The following CSMD1 variants were observed in gnomAD, a reference collection of about 807,000 sequenced individuals.
The protein encoded by CSMD1 is CUB and sushi domain-containing protein 1.
CSMD1 carries 213 observed loss-of-function variants against 417.5 expected under a neutral mutation model. The ratio of observed to expected loss-of-function variants is 0.51; its 90% CI spans 0.46 to 0.57. The LOEUF (loss-of-function observed/expected upper bound fraction) is 0.57, where lower values mean the gene tolerates loss of function less well. Among genes scored for constraint, CSMD1 ranks in the 20% least tolerant of loss-of-function variants. The pLI, the probability that CSMD1 is intolerant of heterozygous loss-of-function variation, is 0.00. For synonymous variants in CSMD1, 2,862 were observed against 1,736.8 expected (o/e 1.65, Z -16.11); for missense variants, 6,923 against 4,529.7 (o/e 1.53, Z -15.17).
chr8:3,526,617 AAAT>A (rs1156858982), intron 10 of CSMD1, among the ~76,000 whole-genome samples: 2 of 152,154 alleles, frequency 1.3e-5, no homozygotes, highest in Non-Finnish European at 2.9e-5. Flanking sequence ...AAGTATTAGT[AAAT>A]AATTTTTCCA....
At chr8:3,758,863 A>C (rs1221965425) in intron 5 of CSMD1, among the ~76,000 whole-genome samples, 3 of 152,154 alleles carry the variant, frequency 2.0e-5, no homozygotes, top group African/African-American at 7.2e-5. Flanking sequence ...GAGTGGGCCC[A>C]ATGTAATGAA....
rs1241445867 is a variant in CSMD1, at chr8:3,883,376, A to G, written c.818+114527T>C. ...TTAACATGAAGTTTTCCAGCTATCG[A>G]TTTCTCATAGTTTTAAACTGGGTGT... On this transcript the variant is annotated intron_variant, in intron 5 of 69. Coordinates refer to ENST00000635120, the MANE Select transcript of CSMD1 (RefSeq NM_033225.6). Among the ~76,000 whole-genome samples the G allele has an allele frequency of 2.6e-5, 4 of 151,938 alleles. No individual in the cohort carries two copies. The South Asian group carries it at 6.2e-4, about 24-fold the overall frequency.
chr8:4,676,069 A>G (rs1263065898), intron 1 of CSMD1, among the ~76,000 whole-genome samples: 1 of 152,208 alleles, frequency 6.6e-6, no homozygotes, highest in Non-Finnish European at 1.5e-5. Context: ...TAGAAAGTAG[A>G]AAGAGAAGCG....
At chr8:4,551,848 T>C (rs1375750169) in intron 2 of CSMD1, among the ~76,000 whole-genome samples, 1 of 142,414 alleles carries the variant, frequency 7.0e-6, no homozygotes, top group Admixed American at 7.0e-5. Context: ...ATGGCTAATT[T>C]TTTGTATTTT....
At chr8:3,436,312 A>G (rs1374527014) in intron 12 of CSMD1, among the ~76,000 whole-genome samples, 1 of 152,232 alleles carries the variant, frequency 6.6e-6, no homozygotes, top group African/African-American at 2.4e-5. Context: ...AAAAGGTGAG[A>G]AAGTCCATGC....
chr8:4,599,185 C>T (rs562337289), intron 2 of CSMD1, among the ~76,000 whole-genome samples: 1 of 152,010 alleles, frequency 6.6e-6, no homozygotes, highest in Non-Finnish European at 1.5e-5. Flanking sequence ...AAACTTAAAA[C>T]AATAAGAATG....
intron 26 of CSMD1, among the ~76,000 whole-genome samples, chr8:3,271,534 T>C (rs138649643): frequency 0.066 from 9,766 of 148,060 alleles, 460 homozygotes; most frequent in Middle Eastern, 0.089. Flanking sequence ...AACTAGTTTA[T>C]AGTCCCAGCA....
chr8:4,117,076 T>A (rs1350254742), intron 3 of CSMD1, among the ~76,000 whole-genome samples: 1 of 151,892 alleles, frequency 6.6e-6, no homozygotes, highest in Non-Finnish European at 1.5e-5. Context: ...AAATCTGGCC[T>A]CCTTTCTACT....
Position 3,307,699 on chromosome 8 carries a change from T to C in CSMD1, c.3946A>G (p.Ile1316Val). The C allele has an allele frequency of 6.2e-7, 1 of 1,613,062 alleles. No individual in the cohort carries two copies. Among genetic ancestry groups the C allele is most frequent in the East Asian group, 2.2e-5 (1 of 44,848 alleles). ...WIIEADPGKTISLHFIVFDTE... is the reference protein window; with the variant it reads ...WIIEADPGKTVSLHFIVFDTE... ...AAACCAAAATAAAACAAGTACCTAA[T>C]GGTCTTTCCTGGGTCTGCCTCTATA... The change falls in exon 25 of 70, where the codon ATT (isoleucine) becomes GTT (valine). Residue 1316 changes from isoleucine to valine, a missense_variant. Ile to Val is a conservative substitution (Grantham distance 29). Transcript: ENST00000635120.
chr8:4,386,175 C>T (rs1377093400), intron 3 of CSMD1, among the ~76,000 whole-genome samples: 1 of 152,168 alleles, frequency 6.6e-6, no homozygotes, highest in African/African-American at 2.4e-5. Context: ...AAACAATACA[C>T]ACTATCAGAC....
At chr8:3,250,768 G>A (rs998038827) in intron 26 of CSMD1, among the ~76,000 whole-genome samples, 4 of 152,144 alleles carry the variant, frequency 2.6e-5, no homozygotes, top group South Asian at 2.1e-4. Context: ...ACTGGTGTGA[G>A]ACGATATCTC....
At chr8:4,958,591 G>C (rs753916956) in intron 1 of CSMD1, among the ~76,000 whole-genome samples, 16 of 152,192 alleles carry the variant, frequency 1.1e-4, no homozygotes, top group Non-Finnish European at 2.4e-4. Flanking sequence ...AAGCAAGGCA[G>C]TGTTCTGAGT....
chr8:3,290,905 G>A (rs774477679), intron 25 of CSMD1, among the ~76,000 whole-genome samples: 1 of 152,092 alleles, frequency 6.6e-6, no homozygotes, highest in African/African-American at 2.4e-5. Flanking sequence ...TCTTGTGCCT[G>A]TTTTCAAAGG....
chr8:4,595,387 C>CTTTTTTTTTTTTCTTTTTTTTTTTT, intron 2 of CSMD1, among the ~76,000 whole-genome samples: 3 of 147,344 alleles, frequency 2.0e-5, no homozygotes, highest in Admixed American at 6.8e-5. Context: ...CATTCATTTT[C>CTTTTTTTTTTTTCTTTTTTTTTTTT]ATTCCATCCA....
intron 5 of CSMD1, among the ~76,000 whole-genome samples, chr8:3,902,344 C>A (rs1195568550): frequency 6.6e-6 from 1 of 152,124 alleles, no homozygotes; most frequent in Non-Finnish European, 1.5e-5. Flanking sequence ...TGTTTCAAAT[C>A]TTGGCTTTTC....
At chr8:4,276,905 T>C (rs1439609840) in intron 3 of CSMD1, among the ~76,000 whole-genome samples, 4 of 152,154 alleles carry the variant, frequency 2.6e-5, no homozygotes, top group Non-Finnish European at 5.9e-5. Context: ...AAATATGTAA[T>C]AGAGTACTGG....
At chr8:3,227,334 G>C (rs1012381807) in intron 27 of CSMD1, among the ~76,000 whole-genome samples, 3 of 152,138 alleles carry the variant, frequency 2.0e-5, no homozygotes, top group African/African-American at 7.2e-5. Flanking sequence ...ACGGAAGGAG[G>C]TTGCAGTGAG....
chr8:4,750,392 A>T (rs747128456), intron 1 of CSMD1, among the ~76,000 whole-genome samples: 32 of 152,306 alleles, frequency 2.1e-4, no homozygotes, highest in Non-Finnish European at 3.8e-4. Context: ...GGTTATCAAG[A>T]TTCAATTTCC....
intron 19 of CSMD1, among the ~76,000 whole-genome samples, chr8:3,368,925 G>C (rs1004086593): frequency 1.3e-5 from 2 of 152,170 alleles, no homozygotes; most frequent in East Asian, 1.9e-4. Context: ...TTGGACAATC[G>C]CTTATTTCCC....
Sources: gnomAD v4.1 joint callset for allele counts (sites outside exome capture counted in the v4.1 genomes callset) on GRCh38, gnomAD v4.1.1 for gene constraint, MANE v1.5 for transcripts, NCBI Gene and HGNC (gene_info 2026-07-23, HGNC 2026-07-21) for gene names.